The following ASIC2 variants were observed in gnomAD, a reference collection of about 807,000 sequenced individuals.
The protein encoded by ASIC2 is acid-sensing ion channel 2.
A neutral mutation model predicts 57.3 loss-of-function variants in ASIC2; 25 were observed. The observed-to-expected ratio is 0.44, with a 90% CI of 0.32 to 0.61. The LOEUF (loss-of-function observed/expected upper bound fraction) is 0.61, where lower values mean the gene tolerates loss of function less well. Ranked by LOEUF, ASIC2 falls within the 20% of genes least tolerant of loss-of-function variation. ASIC2 has a pLI of 0.06. For synonymous variants in ASIC2, 319 were observed against 307.5 expected, an observed-to-expected ratio of 1.04 and a Z score of -0.39; for missense variants, 641 against 738.1, an observed-to-expected ratio of 0.87 and a Z score of 1.52.
chr17:33,254,167 C>T (rs1908977791), intron 1 of ASIC2, among the ~76,000 whole-genome samples: 2 of 152,158 alleles, frequency 1.3e-5, no homozygotes, highest in Admixed American at 1.3e-4. Flanking sequence ...GCAACTATTC[C>T]AGAGGTGGCT....
At chr17:33,958,082 C>G (rs919082094) in intron 1 of ASIC2, among the ~76,000 whole-genome samples, 2 of 152,238 alleles carry the variant, frequency 1.3e-5, no homozygotes, top group African/African-American at 2.4e-5. Context: ...GACTCCATGT[C>G]TCACATCCAG....
At chr17:33,381,306 T>A (rs1166372650) in intron 1 of ASIC2, among the ~76,000 whole-genome samples, 3 of 152,216 alleles carry the variant, frequency 2.0e-5, no homozygotes, top group African/African-American at 7.2e-5. Context: ...GCAGGCTGGT[T>A]CACACCCATC....
chr17:33,077,677 T>C (rs2092094879), intron 3 of ASIC2, among the ~76,000 whole-genome samples: 1 of 152,166 alleles, frequency 6.6e-6, no homozygotes, highest in African/African-American at 2.4e-5. Context: ...CTGGGGGCTG[T>C]CCAGCCCGTT....
At chr17:33,064,130 T>C (rs561691906) in intron 3 of ASIC2, among the ~76,000 whole-genome samples, 2 of 152,324 alleles carry the variant, frequency 1.3e-5, no homozygotes, top group South Asian at 2.1e-4. Flanking sequence ...TCGGAGAAGT[T>C]TGATCGTCTG....
chr17:33,837,164 C>T (rs950494412), intron 1 of ASIC2, among the ~76,000 whole-genome samples: 10 of 152,116 alleles, frequency 6.6e-5, no homozygotes, highest in South Asian at 2.1e-4. Context: ...GATAAGTTTT[C>T]GTCTCTCCTT....
chr17:34,096,636 C>A (rs768740127), intron 1 of ASIC2, among the ~76,000 whole-genome samples: 2 of 151,884 alleles, frequency 1.3e-5, no homozygotes. Flanking sequence ...AGGCGGATCA[C>A]GAGGTCAGGA....
intron 1 of ASIC2, among the ~76,000 whole-genome samples, chr17:33,354,968 C>G (rs1908321010): frequency 6.6e-6 from 1 of 152,188 alleles, no homozygotes; most frequent in Admixed American, 6.5e-5. Flanking sequence ...CCTTAACAGA[C>G]TGGGAGCAGC....
At position 33,497,052 on chromosome 17, in the gene ASIC2, T is replaced by C. The variant is rs569656609; in HGVS notation, c.556-384985A>G. The stretch of plus-strand genomic sequence containing the variant: ...CCACAGTGGATGCTCAGTGAACACA[T>C]TGGATGTGATGGGGGGAAAGGCAGG... On this transcript the variant is annotated intron_variant, in intron 1 of 9. Coordinates refer to the ASIC2 transcript ENST00000359872. 1.4e-3 allele frequency among the ~76,000 whole-genome samples: 209 copies of C among 152,272 alleles called. 2 individuals are homozygous for C. Among genetic ancestry groups the C allele is most frequent in the African/African-American group, 4.8e-3 (198 of 41,558 alleles).
At chr17:33,195,050 G>A (rs1906569981) in intron 1 of ASIC2, among the ~76,000 whole-genome samples, 1 of 152,148 alleles carries the variant, frequency 6.6e-6, no homozygotes, top group Admixed American at 6.6e-5. Context: ...AGACGGGTGT[G>A]GGAACAAGCT....
At chr17:33,106,417 G>A (rs1003258186) in intron 2 of ASIC2, among the ~76,000 whole-genome samples, 1 of 152,192 alleles carries the variant, frequency 6.6e-6, no homozygotes, top group Admixed American at 6.5e-5. Context: ...AGTGCATGAA[G>A]GATAGAAGGA....
chr17:33,753,655 T>A (rs547514913), intron 1 of ASIC2, among the ~76,000 whole-genome samples: 1 of 152,170 alleles, frequency 6.6e-6, no homozygotes, highest in African/African-American at 2.4e-5. Context: ...AAATCGGAAG[T>A]GAGATACAGA....
chr17:33,358,952 A>C (rs931568938), intron 1 of ASIC2, among the ~76,000 whole-genome samples: 2 of 152,232 alleles, frequency 1.3e-5, no homozygotes, highest in African/African-American at 2.4e-5. Flanking sequence ...GAAACAAGAT[A>C]AATCATGTGG....
chr17:33,374,085 T>C (rs759886501), intron 1 of ASIC2, among the ~76,000 whole-genome samples: 90 of 152,248 alleles, frequency 5.9e-4, no homozygotes, highest in Admixed American at 2.3e-3. Context: ...AACCACCACC[T>C]CCTGGGCTCA....
At chr17:34,110,451 G>A (rs895621450) in intron 1 of ASIC2, among the ~76,000 whole-genome samples, 4 of 152,170 alleles carry the variant, frequency 2.6e-5, no homozygotes, top group African/African-American at 7.2e-5. Flanking sequence ...CTCTGCTGCC[G>A]CTGCCTCAGG....
rs189062355 is a variant in ASIC2 at position 34,059,934 on chromosome 17, T to C, written c.555+96044A>G. ...CCCTGGTAGCAAAAGACAAAGGACA[T>C]ATAATCTTGGGAGTTCTAGGGCCCT... On this transcript the variant is annotated intron_variant, in intron 1 of 9. Coordinates refer to the ASIC2 transcript ENST00000359872. Among the ~76,000 whole-genome samples, 170 of 152,286 alleles carry C rather than the reference T, an allele frequency of 1.1e-3. 2 individuals are homozygous for C. The highest frequency in any genetic ancestry group is 4.0e-3 in the African/African-American group (167 of 41,558).
chr17:33,749,592 C>T (rs1214508650), intron 1 of ASIC2, among the ~76,000 whole-genome samples: 7 of 152,116 alleles, frequency 4.6e-5, no homozygotes, highest in Admixed American at 6.5e-5. Context: ...GGACCGCCCT[C>T]TCCATGGCTC....
intron 1 of ASIC2, among the ~76,000 whole-genome samples, chr17:33,675,257 A>G (rs1907782332): frequency 6.6e-6 from 1 of 152,134 alleles, no homozygotes; most frequent in Non-Finnish European, 1.5e-5. Context: ...CTTGTCTGAC[A>G]CATTGCTCCT....
chr17:33,709,002 C>T (rs569454459), intron 1 of ASIC2, among the ~76,000 whole-genome samples: 1 of 152,208 alleles, frequency 6.6e-6, no homozygotes, highest in African/African-American at 2.4e-5. Flanking sequence ...ACCAACTATT[C>T]TGGGTCAAGA....
At chr17:33,495,101 G>C (rs547753386) in intron 1 of ASIC2, among the ~76,000 whole-genome samples, 2 of 152,328 alleles carry the variant, frequency 1.3e-5, no homozygotes, top group South Asian at 2.1e-4. Flanking sequence ...AGAGAAGTGA[G>C]GGGTCCAGGG....
Sources: gnomAD v4.1 joint callset for allele counts (sites outside exome capture counted in the v4.1 genomes callset) on GRCh38, gnomAD v4.1.1 for gene constraint, MANE v1.5 for transcripts, NCBI Gene and HGNC (gene_info 2026-07-23, HGNC 2026-07-21) for gene names.